Variants in SLC25A21 observed in about 807,000 individuals in gnomAD.
SLC25A21 encodes the protein mitochondrial 2-oxodicarboxylate carrier.
A neutral mutation model predicts 43.8 loss-of-function variants in SLC25A21; 47 were observed. That is an observed-to-expected ratio of 1.07 (90% CI 0.85 to 1.37). SLC25A21 has a LOEUF of 1.37. SLC25A21 is among the 40% of genes most tolerant of loss of function. SLC25A21 has a pLI of 0.00. For synonymous variants in SLC25A21, 131 were observed against 121.3 expected (o/e 1.08, Z -0.52); for missense variants, 352 against 350.2 (o/e 1.00, Z -0.04).
At chr14:37,150,828 A>C (rs74752377) in intron 1 of SLC25A21, among the ~76,000 whole-genome samples, 7,733 of 152,184 alleles carry the variant, frequency 0.051, 657 homozygotes, top group African/African-American at 0.18. Flanking sequence ...AGGATCTTGC[A>C]ATTTACTCCA....
At chr14:36,880,890 A>G (rs1890699532) in intron 1 of SLC25A21, among the ~76,000 whole-genome samples, 1 of 152,208 alleles carries the variant, frequency 6.6e-6, no homozygotes, top group Admixed American at 6.5e-5. Context: ...AGCTGTGTGC[A>G]TGCAGAGTAA....
At chr14:37,124,252 T>C (rs903313709) in intron 1 of SLC25A21, among the ~76,000 whole-genome samples, 3 of 152,144 alleles carry the variant, frequency 2.0e-5, no homozygotes, top group Non-Finnish European at 2.9e-5. Flanking sequence ...ACATTGGTTT[T>C]AAAATAAAGA....
chr14:36,926,425 A>G (rs1892133788), intron 1 of SLC25A21, among the ~76,000 whole-genome samples: 1 of 152,176 alleles, frequency 6.6e-6, no homozygotes, highest in Non-Finnish European at 1.5e-5. Flanking sequence ...CATTTAAACA[A>G]AGACATTTGA....
At chr14:36,886,571 A>T (rs940924645) in intron 1 of SLC25A21, among the ~76,000 whole-genome samples, 11 of 152,210 alleles carry the variant, frequency 7.2e-5, no homozygotes, top group Non-Finnish European at 1.5e-4. Context: ...TATATTTCAG[A>T]GGTATAAACC....
chr14:36,976,402 C>T (rs1959873060), intron 1 of SLC25A21, among the ~76,000 whole-genome samples: 1 of 152,102 alleles, frequency 6.6e-6, no homozygotes, highest in South Asian at 2.1e-4. Flanking sequence ...GTCAAAGGCT[C>T]AGAGCTTCAC....
chr14:36,938,456 C>G (rs192731519), intron 1 of SLC25A21, among the ~76,000 whole-genome samples: 1 of 152,220 alleles, frequency 6.6e-6, no homozygotes, highest in Admixed American at 6.6e-5. Context: ...CTCTGGACAG[C>G]CTTAGCAGAG....
At chr14:36,727,141 G>A (rs1884633675) in intron 5 of SLC25A21, among the ~76,000 whole-genome samples, 1 of 152,164 alleles carries the variant, frequency 6.6e-6, no homozygotes. Flanking sequence ...CACTTGCTAA[G>A]AGAAGCCCTG....
chr14:36,995,124 C>G (rs1960344051), intron 1 of SLC25A21, among the ~76,000 whole-genome samples: 1 of 152,154 alleles, frequency 6.6e-6, no homozygotes, highest in African/African-American at 2.4e-5. Flanking sequence ...CGTTATACCT[C>G]TCAAAGTGTG....
At chr14:36,935,718 G>T (rs887631506) in intron 1 of SLC25A21, among the ~76,000 whole-genome samples, 1 of 152,064 alleles carries the variant, frequency 6.6e-6, no homozygotes, top group African/African-American at 2.4e-5. Flanking sequence ...GGTGGGATGG[G>T]CATCTTTCAA....
At chr14:37,088,194 A>C (rs1962520607) in intron 1 of SLC25A21, among the ~76,000 whole-genome samples, 1 of 152,120 alleles carries the variant, frequency 6.6e-6, no homozygotes. Flanking sequence ...ATGGCCTTTC[A>C]TTTTCCTAAT....
At chr14:36,934,055 T>C (rs1197539665) in intron 1 of SLC25A21, among the ~76,000 whole-genome samples, 2 of 152,138 alleles carry the variant, frequency 1.3e-5, no homozygotes, top group Non-Finnish European at 2.9e-5. Context: ...AGGAAATGAT[T>C]AATTAGAAAA....
intron 1 of SLC25A21, among the ~76,000 whole-genome samples, chr14:37,131,804 G>C (rs188824952): frequency 2.0e-5 from 3 of 152,094 alleles, no homozygotes; most frequent in African/African-American, 7.2e-5. Context: ...CTCCTGAGTA[G>C]CTGGGACCAC....
intron 1 of SLC25A21, among the ~76,000 whole-genome samples, chr14:37,108,736 TGTGC>T (rs1156243094): frequency 6.1e-4 from 89 of 146,596 alleles, no homozygotes; most frequent in African/African-American, 2.3e-3. Context: ...TGTGTGTGTG[TGTGC>T]GTGTGTGTGT....
intron 1 of SLC25A21, among the ~76,000 whole-genome samples, chr14:37,162,885 C>T (rs1963970064): frequency 6.6e-6 from 1 of 152,084 alleles, no homozygotes; most frequent in Non-Finnish European, 1.5e-5. Context: ...AGACTTGGAA[C>T]CAACCCAAAT....
intron 1 of SLC25A21, among the ~76,000 whole-genome samples, chr14:37,110,509 A>G (rs967326974): frequency 2.0e-5 from 3 of 152,150 alleles, no homozygotes; most frequent in African/African-American, 7.2e-5. Flanking sequence ...GCAAGTACAG[A>G]CACAAGTTAT....
intron 6 of SLC25A21, among the ~76,000 whole-genome samples, chr14:36,716,017 G>A (rs1020047533): frequency 6.6e-6 from 1 of 152,250 alleles, no homozygotes; most frequent in East Asian, 1.9e-4. Flanking sequence ...CTTGAACCCA[G>A]GAGGTGGAGG....
intron 1 of SLC25A21, among the ~76,000 whole-genome samples, chr14:36,915,997 G>A (rs1891821136): frequency 6.6e-6 from 1 of 152,192 alleles, no homozygotes; most frequent in Non-Finnish European, 1.5e-5. Context: ...TCTCATATCA[G>A]AGTGGATCCA....
chr14:37,066,433 G>A (rs921012496), intron 1 of SLC25A21, among the ~76,000 whole-genome samples: 2 of 151,990 alleles, frequency 1.3e-5, no homozygotes, highest in African/African-American at 4.8e-5. Flanking sequence ...ATGATATCGA[G>A]GACATCACTG....
At chr14:37,162,173 G>C (rs1272288587) in intron 1 of SLC25A21, among the ~76,000 whole-genome samples, 1 of 151,998 alleles carries the variant, frequency 6.6e-6, no homozygotes, top group East Asian at 1.9e-4. Context: ...CCCTGCCGAC[G>C]AAAGAAGAAA....
Sources: allele counts gnomAD v4.1 joint callset (sites outside exome capture counted in the v4.1 genomes callset), GRCh38; gene constraint gnomAD v4.1.1; transcripts MANE v1.5; gene names NCBI Gene and HGNC (gene_info 2026-07-23, HGNC 2026-07-21).